SLC15A4: variants seen among roughly 807,000 people sequenced by gnomAD.
The protein encoded by SLC15A4 is hPHT1.
A neutral mutation model predicts 46.1 loss-of-function variants in SLC15A4; 26 were observed. The observed-to-expected ratio is 0.56, with a 90% CI of 0.41 to 0.78. SLC15A4 has a LOEUF of 0.78. Among genes scored for constraint, SLC15A4 ranks in the 30% least tolerant of loss-of-function variants. The pLI is 0.00. For missense variants in SLC15A4, 751 were observed against 755.7 expected (o/e 0.99, Z 0.07); for synonymous variants, 370 against 333.4 (o/e 1.11, Z -1.20).
intron 7 of SLC15A4, among the ~76,000 whole-genome samples, chr12:128,796,488 C>T (rs1049495553): frequency 2.8e-5 from 4 of 143,874 alleles, no homozygotes; most frequent in African/African-American, 1.0e-4. Context: ...AGATCTCACA[C>T]ATTTTTAAAG....
At chr12:128,812,376 G>C (rs1207428611) in intron 2 of SLC15A4, among the ~76,000 whole-genome samples, 3 of 152,060 alleles carry the variant, frequency 2.0e-5, no homozygotes, top group Non-Finnish European at 4.4e-5. Flanking sequence ...CTGGAGTGCA[G>C]TGGTGTGATC....
chr12:128,814,019 G>C (rs73149855), intron 2 of SLC15A4: 42,702 of 155,422 alleles, frequency 0.27, 6,048 homozygotes, highest in African/African-American at 0.33. Flanking sequence ...ATGAGTCATA[G>C]TTGGCCAGTG....
At chr12:128,802,313 A>G (rs1955527136) in intron 5 of SLC15A4, among the ~76,000 whole-genome samples, 1 of 152,128 alleles carries the variant, frequency 6.6e-6, no homozygotes, top group Non-Finnish European at 1.5e-5. Flanking sequence ...CAACCATAGC[A>G]CTGCACCCCT....
chr12:128,805,154 C>A (rs779857400), intron 5 of SLC15A4, among the ~76,000 whole-genome samples: 4 of 152,022 alleles, frequency 2.6e-5, no homozygotes, highest in Non-Finnish European at 4.4e-5. Flanking sequence ...GATACCCCCC[C>A]CAAAAAAATC....
At chr12:128,815,812 G>C (rs1312844453) in intron 1 of SLC15A4, 1 of 152,368 alleles carries the variant, frequency 6.6e-6, no homozygotes, top group African/African-American at 2.4e-5. Context: ...CTACTCACAG[G>C]TAAGTTTTAG....
In SLC15A4 at chr12:128,821,514, C is replaced by T. The variant is rs532177355; in HGVS notation, c.546+1884G>A. Among the ~76,000 whole-genome samples the T allele has an allele frequency of 1.8e-4, 28 of 152,308 alleles. No individual in the cohort carries two copies. In the South Asian group the frequency reaches 2.1e-3, roughly 11 times the overall value. On this transcript the variant is annotated intron_variant, in intron 1 of 7. Coordinates refer to ENST00000266771, the MANE Select transcript of SLC15A4 (RefSeq NM_145648.4). ...AACAGGTGGGGCTATGTTCCAATAA[C>T]GCTTTATTTATGGAGATTGAAATTT...
At chr12:128,822,612 G>C (rs950213869) in intron 1 of SLC15A4, among the ~76,000 whole-genome samples, 13 of 152,108 alleles carry the variant, frequency 8.5e-5, no homozygotes, top group African/African-American at 2.7e-4. Context: ...GAGTGGAGTG[G>C]CGCGATCTCG....
At chr12:128,804,646 C>T (rs1037260741) in intron 5 of SLC15A4, among the ~76,000 whole-genome samples, 1 of 152,202 alleles carries the variant, frequency 6.6e-6, no homozygotes, top group African/African-American at 2.4e-5. Context: ...AGGAGAATCG[C>T]TTGAACCAGG....
At position 128,807,207 on chromosome 12, in the gene SLC15A4, C is replaced by T. The variant is rs1340977276; in HGVS notation, c.1258+1581G>A. Among the ~76,000 whole-genome samples the T allele has an allele frequency of 6.6e-5, 10 of 150,660 alleles. No individual in the cohort carries two copies. The East Asian group carries it at 1.2e-3, about 18-fold the overall frequency. ...TGAGCCACCGTGCCCGGCCTGCTAGCGCTTTTTAAAGACAGAACTGACGGA... is the reference window on the plus strand; with the variant it reads ...TGAGCCACCGTGCCCGGCCTGCTAGTGCTTTTTAAAGACAGAACTGACGGA... On this transcript the variant is annotated intron_variant, in intron 5 of 7. Coordinates refer to ENST00000266771, the MANE Select transcript of SLC15A4 (RefSeq NM_145648.4).
At chr12:128,809,156 G>A (rs1328118959) in intron 4 of SLC15A4, 200 bp from the exon 5 acceptor site, 1 of 621,914 alleles carries the variant, frequency 1.6e-6, no homozygotes, top group Non-Finnish European at 2.7e-6. Flanking sequence ...TGTGTTTTGA[G>A]GGGAAAATAA....
In SLC15A4 at chr12:128,794,052, G is replaced by T; in HGVS notation, c.*144C>A. 1 of 842,610 alleles carries T rather than the reference G, an allele frequency of 1.2e-6. No homozygotes were observed. The allele number at this position is 842,610 out of a possible 1,614,324, so 52.2% of individuals were successfully genotyped here. ...ACTTACCAAGCTCCTTTGGATAGAG[G>T]GAAAGAAGAAATCAATCCAGGCAAC... is the stretch of plus-strand genomic sequence containing the variant. On this transcript the variant is annotated 3_prime_UTR_variant, in exon 8 of 8. Transcript: ENST00000266771.
chr12:128,808,942 C>T lies in SLC15A4; in HGVS notation c.1104G>A (p.Trp368Ter), dbSNP rs764751988. 6.2e-7 allele frequency: 1 copy of T among 1,613,592 alleles called. No individual in the cohort carries two copies. The change falls in exon 5 of 8, where the codon TGG becomes TGA. Residue 368 changes from tryptophan to a stop codon, truncating the protein, a stop_gained. Coordinates refer to ENST00000266771, the MANE Select transcript of SLC15A4 (RefSeq NM_145648.4). LOFTEE classifies it high-confidence loss of function. ...TTTPHTLPAA[W>*]LTMFDAVLIL... ...TGAGCACAGCATCAAACATGGTCAG[C>T]CAGGCTGCAGGGAGCTGGGGTGAAA...
chr12:128,801,054 T>C (rs1955513374), intron 5 of SLC15A4, 45 bp from the exon 6 acceptor site: 1 of 1,518,484 alleles, frequency 6.6e-7, no homozygotes, highest in South Asian at 1.3e-5. Flanking sequence ...TTATTAACAT[T>C]TACAGTTAAT....
chr12:128,809,639 TAA>T, intron 3 of SLC15A4, 166 bp from the exon 4 acceptor site: 1 of 586,976 alleles, frequency 1.7e-6, no homozygotes, highest in South Asian at 2.2e-5. Context: ...TTGGTCATCG[TAA>T]AGTCCTCTGG....
chr12:128,802,468 C>T (rs1955528444), intron 5 of SLC15A4, among the ~76,000 whole-genome samples: 1 of 152,062 alleles, frequency 6.6e-6, no homozygotes, highest in East Asian at 1.9e-4. Context: ...GGGAACAGAA[C>T]CTATGCAACT....
At chr12:128,799,045 AAG>A (rs1172582360) in intron 7 of SLC15A4, among the ~76,000 whole-genome samples, 1 of 152,184 alleles carries the variant, frequency 6.6e-6, no homozygotes, top group East Asian at 1.9e-4. Flanking sequence ...CTGGGATGAG[AAG>A]AGAGGCCTGC....
chr12:128,808,868 C>T lies in SLC15A4; in HGVS notation c.1178G>A (p.Arg393Lys), dbSNP rs771126707. The change falls in exon 5 of 8, where the codon AGA becomes AAA. Residue 393 changes from arginine (R) to lysine (K), a missense_variant. By Grantham distance (26) the Arg-to-Lys change is conservative (BLOSUM62 2). Coordinates refer to ENST00000266771, the MANE Select transcript of SLC15A4 (RefSeq NM_145648.4). Reference sequence around the variant, plus strand: ...GGAGGATGGGAGCAGGCCATGTCTTCTCAAAATGGGATCGACCAGTTTGTC... The same window carrying T: ...GGAGGATGGGAGCAGGCCATGTCTTTTCAAAATGGGATCGACCAGTTTGTC... ...LKDKLVDPIL[R>K]RHGLLPSSLK... is the part of the protein sequence containing the mutation. 3 of 1,614,168 alleles carry T rather than the reference C, an allele frequency of 1.9e-6. No individual in the cohort carries two copies. Among genetic ancestry groups the T allele is most frequent in the Admixed American group, 1.7e-5 (1 of 60,030 alleles).
intron 1 of SLC15A4, 107 bp downstream of exon 1, chr12:128,823,291 C>A (rs1955876043): frequency 3.6e-6 from 4 of 1,125,706 alleles, no homozygotes; most frequent in African/African-American, 1.6e-5. Flanking sequence ...CCCCCCGGGG[C>A]AAGGGGCTCC....
chr12:128,799,358 A>G lies in SLC15A4; in HGVS notation c.1474T>C (p.Phe492Leu). 1 of 1,614,208 alleles carries G rather than the reference A, an allele frequency of 6.2e-7. No individual in the cohort carries two copies. The highest frequency in any genetic ancestry group is 1.3e-5 in the African/African-American group (1 of 75,044). ...KSMQSAIMGL[F>L]FFFSGVGSFV... ...GACCCGACGCCAGAGAAGAAAAAGA[A>G]CAAGCCCATTATGGCACTCTGCATG... The change falls in exon 7 of 8, where the codon TTC (phenylalanine) becomes CTC (leucine). Residue 492 changes from phenylalanine to leucine, a missense_variant. Physicochemically the swap from Phe to Leu is conservative, Grantham distance 22 (BLOSUM62 0). Transcript: ENST00000266771.
Sources: allele counts gnomAD v4.1 joint callset (sites outside exome capture counted in the v4.1 genomes callset), GRCh38; gene constraint gnomAD v4.1.1; transcripts MANE v1.5; gene names NCBI Gene and HGNC (gene_info 2026-07-23, HGNC 2026-07-21).